OSMR: variants seen among roughly 807,000 people sequenced by gnomAD.
OSMR encodes oncostatin M receptor.
OSMR carries 81 observed loss-of-function variants against 99.9 expected under a neutral mutation model. The ratio of observed to expected loss-of-function variants is 0.81; its 90% CI spans 0.68 to 0.97. OSMR has a LOEUF of 0.97. OSMR is among the 50% of genes least tolerant of loss of function. OSMR has a pLI of 0.00. For missense variants in OSMR, 1,099 were observed against 1,153.4 expected (o/e 0.95, Z 0.68); for synonymous variants, 406 against 410.4 (o/e 0.99, Z 0.13).
chr5:38,904,199 C>A, intron 8 of OSMR, 154 bp from the exon 9 acceptor site: 3 of 984,716 alleles, frequency 3.0e-6, no homozygotes, highest in Non-Finnish European at 3.6e-6. Flanking sequence ...AGGAAATGGG[C>A]CTTGAAGATT....
At chr5:38,877,433 A>G (rs973593801) in intron 3 of OSMR, among the ~76,000 whole-genome samples, 4 of 152,230 alleles carry the variant, frequency 2.6e-5, no homozygotes, top group African/African-American at 4.8e-5. Context: ...CTATAATTCT[A>G]CCTCTCAAAG....
intron 1 of OSMR, among the ~76,000 whole-genome samples, chr5:38,857,823 A>G (rs570853991): frequency 7.6e-4 from 115 of 152,012 alleles, no homozygotes; most frequent in African/African-American, 2.6e-3. Context: ...GCGTGCCACC[A>G]TGCCTGGCTA....
At chr5:38,884,616 G>A (rs1743561174) in intron 5 of OSMR, among the ~76,000 whole-genome samples, 2 of 152,186 alleles carry the variant, frequency 1.3e-5, no homozygotes, top group Admixed American at 1.3e-4. Flanking sequence ...TAATGAATGT[G>A]GGTAGTGCCT....
chr5:38,887,013 G>A (rs1743823614), intron 7 of OSMR, among the ~76,000 whole-genome samples: 1 of 152,026 alleles, frequency 6.6e-6, no homozygotes, highest in Non-Finnish European at 1.5e-5. Context: ...CAATTAAATG[G>A]CTATAAAATG....
chr5:38,889,780 T>C (rs569315751), intron 7 of OSMR, among the ~76,000 whole-genome samples: 1 of 152,338 alleles, frequency 6.6e-6, no homozygotes, highest in African/African-American at 2.4e-5. Context: ...AAATTAATTC[T>C]TTTTATTGTG....
chr5:38,848,058 G>T (rs1278424992), intron 1 of OSMR, among the ~76,000 whole-genome samples: 1 of 152,122 alleles, frequency 6.6e-6, no homozygotes, highest in African/African-American at 2.4e-5. Flanking sequence ...GAACTGTTAC[G>T]GTTTTCAAAG....
intron 3 of OSMR, among the ~76,000 whole-genome samples, chr5:38,878,920 C>A (rs1043946427): frequency 6.6e-6 from 1 of 152,146 alleles, no homozygotes; most frequent in Non-Finnish European, 1.5e-5. Flanking sequence ...ATGATTAAAT[C>A]ATTCAGTCCA....
chr5:38,903,327 A>G (rs1415080752), intron 7 of OSMR, among the ~76,000 whole-genome samples: 1 of 152,174 alleles, frequency 6.6e-6, no homozygotes, highest in Non-Finnish European at 1.5e-5. Flanking sequence ...TGAGTTCTTC[A>G]CTTGTACCAT....
intron 7 of OSMR, among the ~76,000 whole-genome samples, chr5:38,890,452 T>G (rs140925436): frequency 4.9e-4 from 75 of 152,362 alleles, no homozygotes; most frequent in African/African-American, 1.8e-3. Context: ...CTTTTCTTTT[T>G]AGATTTTCAG....
chr5:38,887,371 T>C (rs1323795093), intron 7 of OSMR, among the ~76,000 whole-genome samples: 2 of 152,140 alleles, frequency 1.3e-5, no homozygotes, highest in Non-Finnish European at 2.9e-5. Flanking sequence ...TCCAAATCCA[T>C]CTGGGATTGA....
intron 10 of OSMR, 199 bp from the exon 11 acceptor site, chr5:38,918,641 C>A: frequency 1.5e-6 from 1 of 657,530 alleles, no homozygotes; most frequent in South Asian, 6.8e-5. Flanking sequence ...AAATGATCCT[C>A]TTCTCTACTC....
intron 1 of OSMR, among the ~76,000 whole-genome samples, chr5:38,856,576 T>C (rs996207456): frequency 6.6e-6 from 1 of 152,216 alleles, no homozygotes; most frequent in Admixed American, 6.5e-5. Flanking sequence ...GCTAACCTTC[T>C]AGGATTCATA....
intron 1 of OSMR, among the ~76,000 whole-genome samples, chr5:38,859,228 G>T (rs1579631137): frequency 6.6e-6 from 1 of 152,040 alleles, no homozygotes; most frequent in South Asian, 2.1e-4. Context: ...TATTTTTATA[G>T]TTTAGGCATT....
Position 38,869,059 on chromosome 5 carries a change from AG to A in OSMR, c.16del (p.Val6SerfsTer8). 6.2e-7 allele frequency: 1 copy of A among 1,613,878 alleles called. No individual in the cohort carries two copies. MALFA[V>X]FQTTFFLTLL... ...AACCAGAACTGATGGCTCTATTTGC[AG>A]TCTTTCAGACAACATTCTTCTTAAC... On this transcript the variant is annotated frameshift_variant, in exon 2 of 18. Coordinates refer to ENST00000274276, the MANE Select transcript of OSMR (RefSeq NM_003999.3). LOFTEE classifies it high-confidence loss of function.
At chr5:38,870,330 CT>C (rs374861159) in intron 2 of OSMR, among the ~76,000 whole-genome samples, 43 of 115,104 alleles carry the variant, frequency 3.7e-4, no homozygotes, top group South Asian at 2.7e-3. Flanking sequence ...GAATGATTTT[CT>C]TTTTTTTTTT....
chr5:38,891,412 A>AGT (rs1744149603), intron 7 of OSMR, among the ~76,000 whole-genome samples: 1 of 152,230 alleles, frequency 6.6e-6, no homozygotes, highest in African/African-American at 2.4e-5. Flanking sequence ...AATGGTCTAT[A>AGT]AATACTAGCT....
chr5:38,885,850 A>G (rs1283967237), intron 6 of OSMR, 189 bp from the exon 7 acceptor site: 5 of 982,436 alleles, frequency 5.1e-6, no homozygotes, highest in Non-Finnish European at 6.0e-6. Flanking sequence ...AAGACATTTC[A>G]GCACGTATGT....
chr5:38,862,119 C>T (rs1459812353), intron 1 of OSMR, among the ~76,000 whole-genome samples: 22 of 122,440 alleles, frequency 1.8e-4, no homozygotes, highest in Admixed American at 2.3e-4. Flanking sequence ...ACCTCCCTCC[C>T]GGACGGGGCG....
intron 1 of OSMR, among the ~76,000 whole-genome samples, chr5:38,862,215 CCCGGACGGGGCGG>C (rs1216983928): frequency 4.1e-4 from 50 of 120,662 alleles, no homozygotes; most frequent in East Asian, 3.2e-3. Flanking sequence ...CCCCTCACCT[CCCGGACGGGGCGG>C]CTGGCTGGGC....
Sources: gnomAD v4.1 joint callset for allele counts (sites outside exome capture counted in the v4.1 genomes callset) on GRCh38, gnomAD v4.1.1 for gene constraint, MANE v1.5 for transcripts, NCBI Gene and HGNC (gene_info 2026-07-23, HGNC 2026-07-21) for gene names.